NRXN3: variants seen among roughly 807,000 people sequenced by gnomAD.
NRXN3 encodes neurexin III.
In NRXN3, 32 loss-of-function variants were observed where a neutral mutation model predicts 137.6. The observed-to-expected ratio is 0.23, with a 90% CI of 0.18 to 0.31. The LOEUF (loss-of-function observed/expected upper bound fraction) is 0.31, where lower values mean the gene tolerates loss of function less well. NRXN3 is among the 10% of genes least tolerant of loss of function. NRXN3 has a pLI of 1.00. For synonymous variants in NRXN3, 798 were observed against 784.5 expected, an observed-to-expected ratio of 1.02 and a Z score of -0.29; for missense variants, 1,574 against 2,062.5, an observed-to-expected ratio of 0.76 and a Z score of 4.59.
chr14:79,051,747 G>A (rs2099642234), intron 15 of NRXN3, among the ~76,000 whole-genome samples: 1 of 152,194 alleles, frequency 6.6e-6, no homozygotes, highest in South Asian at 2.1e-4. Context: ...CTCAAGGAAG[G>A]GCAAGGTTTG....
At chr14:79,525,679 A>G (rs2097112161) in intron 16 of NRXN3, among the ~76,000 whole-genome samples, 1 of 152,126 alleles carries the variant, frequency 6.6e-6, no homozygotes, top group East Asian at 1.9e-4. Flanking sequence ...TTAGCATTGC[A>G]CTTGATTTGT....
At chr14:79,110,397 G>T (rs756600763) in intron 15 of NRXN3, among the ~76,000 whole-genome samples, 1 of 152,202 alleles carries the variant, frequency 6.6e-6, no homozygotes, top group Non-Finnish European at 1.5e-5. Context: ...CAAATGATGT[G>T]CAGTAATAAT....
At chr14:79,220,681 T>C (rs1170801513) in intron 15 of NRXN3, among the ~76,000 whole-genome samples, 3 of 152,132 alleles carry the variant, frequency 2.0e-5, no homozygotes, top group South Asian at 2.1e-4. Context: ...ATATGGTATG[T>C]AGCTTTTCAG....
chr14:78,437,586 T>G (rs191893423), intron 4 of NRXN3, among the ~76,000 whole-genome samples: 1 of 152,162 alleles, frequency 6.6e-6, no homozygotes, highest in Non-Finnish European at 1.5e-5. Flanking sequence ...TGACCTCAAG[T>G]GATCCACCTG....
At chr14:79,591,463 C>T (rs966212766) in intron 16 of NRXN3, among the ~76,000 whole-genome samples, 1 of 152,164 alleles carries the variant, frequency 6.6e-6, no homozygotes, top group African/African-American at 2.4e-5. Context: ...ATATTTTCCA[C>T]AGCATCACAA....
intron 17 of NRXN3, among the ~76,000 whole-genome samples, chr14:79,678,021 A>G (rs2098649913): frequency 1.3e-5 from 2 of 152,158 alleles, no homozygotes; most frequent in African/African-American, 2.4e-5. Context: ...GCTTTCTGTC[A>G]GGTTACAGTG....
intron 1 of NRXN3, among the ~76,000 whole-genome samples, chr14:78,173,245 G>GA (rs34186704): frequency 2.0e-5 from 3 of 150,516 alleles, no homozygotes; most frequent in Non-Finnish European, 3.0e-5. Flanking sequence ...CTCGCTCCTG[G>GA]AAAAAAAATC....
At chr14:78,765,187 C>G (rs1414908962) in intron 8 of NRXN3, among the ~76,000 whole-genome samples, 2 of 152,078 alleles carry the variant, frequency 1.3e-5, no homozygotes, top group African/African-American at 2.4e-5. Context: ...GAGTTTCACT[C>G]TTGTTGCCCA....
At chr14:78,228,087 A>G (rs10483894) in intron 1 of NRXN3, among the ~76,000 whole-genome samples, 63,097 of 151,450 alleles carry the variant, frequency 0.42, 13,400 homozygotes, top group African/African-American at 0.47. Flanking sequence ...GAAGAATTTG[A>G]GACATTAATA....
intron 15 of NRXN3, among the ~76,000 whole-genome samples, chr14:79,308,797 T>C (rs2153228544): frequency 6.7e-6 from 1 of 149,666 alleles, no homozygotes; most frequent in East Asian, 2.0e-4. Context: ...ATGCACTGAA[T>C]GTGTACAACA....
chr14:79,762,679 TG>T (rs573527235), intron 19 of NRXN3, among the ~76,000 whole-genome samples: 243 of 151,656 alleles, frequency 1.6e-3, no homozygotes, highest in Non-Finnish European at 2.6e-3. Flanking sequence ...AGAATTGTTG[TG>T]AGGATTAAAT....
chr14:79,327,004 T>G (rs2090986922), intron 15 of NRXN3, among the ~76,000 whole-genome samples: 1 of 152,226 alleles, frequency 6.6e-6, no homozygotes, highest in African/African-American at 2.4e-5. Context: ...TCTCTCATCT[T>G]GAGATGGAGA....
At chr14:79,719,374 A>ATATATGTGTG (rs1425650870) in intron 19 of NRXN3, among the ~76,000 whole-genome samples, 5 of 142,660 alleles carry the variant, frequency 3.5e-5, no homozygotes, top group Non-Finnish European at 6.0e-5. Context: ...GTGTATGTGT[A>ATATATGTGTG]TATATATGTG....
chr14:79,768,520 C>A (rs1486211747), intron 19 of NRXN3, among the ~76,000 whole-genome samples: 1 of 152,150 alleles, frequency 6.6e-6, no homozygotes, highest in African/African-American at 2.4e-5. Context: ...CAGACTGACA[C>A]CTCACATGGC....
chr14:78,997,892 C>A (rs903858335), intron 15 of NRXN3, among the ~76,000 whole-genome samples: 1 of 152,148 alleles, frequency 6.6e-6, no homozygotes, highest in African/African-American at 2.4e-5. Context: ...TGGAATCATA[C>A]AATATGTGAT....
intron 20 of NRXN3, among the ~76,000 whole-genome samples, chr14:79,837,762 C>T (rs576436991): frequency 8.1e-4 from 124 of 152,226 alleles, no homozygotes; most frequent in African/African-American, 2.9e-3. Flanking sequence ...AATAAATCTT[C>T]GAGACTGCAG....
At chr14:79,806,802 T>C (rs2099207470) in intron 20 of NRXN3, among the ~76,000 whole-genome samples, 1 of 150,432 alleles carries the variant, frequency 6.6e-6, no homozygotes. Flanking sequence ...TCAACAGATA[T>C]TTTTGAGAGT....
intron 14 of NRXN3, 52 bp downstream of exon 14, chr14:78,968,398 C>G (rs1198289045): frequency 3.9e-6 from 6 of 1,552,924 alleles, no homozygotes; most frequent in Non-Finnish European, 4.4e-6. Context: ...AAGCACCAAG[C>G]CTCTTTGCTG....
chr14:78,235,121 C>G (rs1385388983), intron 1 of NRXN3, among the ~76,000 whole-genome samples: 1 of 150,208 alleles, frequency 6.7e-6, no homozygotes, highest in Non-Finnish European at 1.5e-5. Context: ...ACCTTCCATC[C>G]TTATGGGTTG....
Sources: gnomAD v4.1 joint callset for allele counts (sites outside exome capture counted in the v4.1 genomes callset) on GRCh38, gnomAD v4.1.1 for gene constraint, MANE v1.5 for transcripts, NCBI Gene and HGNC (gene_info 2026-07-23, HGNC 2026-07-21) for gene names.